The following SUGP2 variants were observed in gnomAD, a reference collection of about 807,000 sequenced individuals.
SUGP2 encodes the protein SURP and G-patch domain containing 2.
SUGP2 carries 24 observed loss-of-function variants against 90.5 expected under a neutral mutation model. The observed-to-expected ratio is 0.27, with a 90% CI of 0.19 to 0.37. The LOEUF (loss-of-function observed/expected upper bound fraction) is 0.37. Ranked by LOEUF, SUGP2 falls within the 10% of genes least tolerant of loss-of-function variation. SUGP2 has a pLI of 1.00. For missense variants in SUGP2, 1,233 were observed against 1,363.3 expected (o/e 0.90, Z 1.51); for synonymous variants, 473 against 513.4 (o/e 0.92, Z 1.06).
chr19:18,994,558 C>A, intron 9 of SUGP2, 72 bp from the exon 10 acceptor site: 1 of 1,574,988 alleles, frequency 6.3e-7, no homozygotes, highest in Admixed American at 1.9e-5. Flanking sequence ...TGGGCATGGG[C>A]ACAAACAGTC....
chr19:19,024,536 T>G (rs2058849005), intron 3 of SUGP2, 83 bp downstream of exon 3: 2 of 1,476,558 alleles, frequency 1.4e-6, no homozygotes, highest in South Asian at 1.3e-5. Flanking sequence ...CTAAAGAACT[T>G]CTGTGTAAAA....
chr19:18,999,556 C>T (rs1320165986), intron 8 of SUGP2, among the ~76,000 whole-genome samples: 2 of 152,164 alleles, frequency 1.3e-5, no homozygotes, highest in Non-Finnish European at 2.9e-5. Context: ...CAAGGGGCAC[C>T]AGATGCCAGC....
intron 3 of SUGP2, among the ~76,000 whole-genome samples, chr19:19,021,288 C>T (rs2058718454): frequency 6.6e-6 from 1 of 152,006 alleles, no homozygotes; most frequent in African/African-American, 2.4e-5. Context: ...CTGTGCCCGT[C>T]TGTGTCCATG....
At position 18,992,622 on chromosome 19, in the gene SUGP2, G is replaced by C. The variant is rs903042535; in HGVS notation, c.*1119C>G. 1 of 152,252 alleles carries C rather than the reference G, an allele frequency of 6.6e-6. No individual in the cohort carries two copies. 9.4% of individuals were successfully genotyped at this position (152,252 alleles called of 1,614,324 possible). The stretch of plus-strand genomic sequence containing the variant: ...CCGCCTCAACCTCCTAAAGTGCTGG[G>C]ATTACAGGCTTGAGCCACTGTGCCT... On this transcript the variant is annotated 3_prime_UTR_variant, in exon 11 of 11. Transcript: ENST00000452918.
chr19:19,013,537 T>A (rs1395547009), intron 4 of SUGP2, among the ~76,000 whole-genome samples: 2 of 152,222 alleles, frequency 1.3e-5, no homozygotes, highest in Admixed American at 1.3e-4. Context: ...TTTAGCTCTA[T>A]CCTCATGTCA....
chr19:19,001,584 G>C lies in SUGP2; in HGVS notation c.2991+29C>G, dbSNP rs772548174. The C allele has an allele frequency of 1.9e-6, 3 of 1,610,498 alleles. No individual in the cohort carries two copies. The South Asian group carries it at 3.3e-5, about 18-fold the overall frequency. ...AACAAATTCTAACCAACTATACTTT[G>C]AGTGAGGACTACCAATGATTACGCT... On this transcript the variant is annotated intron_variant, in intron 8 of 10. Transcript: ENST00000452918.
In SUGP2 at chr19:19,010,336, C is replaced by A; in HGVS notation, c.1857G>T (p.Leu619Phe). The change falls in exon 5 of 11, where the codon TTG becomes TTT. Residue 619 changes from leucine to phenylalanine, a missense_variant. Physicochemically the swap from Leu to Phe is conservative, Grantham distance 22. Around this residue, in one of 8 missense-constraint regions of SUGP2, gnomAD observed 540 missense variants for 542.6 expected, o/e 1.00. Transcript: ENST00000452918. The part of the protein sequence containing the change: ...LLKEDPAYWF[L>F]SDENSLEYKY... ...TATACTCCAGACTATTTTCATCAGA[C>A]AAAAACCTAGATAACAAAACAAGCA... The A allele has an allele frequency of 6.2e-7, 1 of 1,607,562 alleles. No homozygotes were observed. Among genetic ancestry groups the A allele is most frequent in the African/African-American group, 1.3e-5 (1 of 74,838 alleles).
intron 2 of SUGP2, among the ~76,000 whole-genome samples, chr19:19,027,696 G>A (rs1195875832): frequency 2.0e-5 from 3 of 151,740 alleles, no homozygotes; most frequent in Admixed American, 2.0e-4. Flanking sequence ...GGAGTGCAAG[G>A]GTGCGATCTT....
chr19:19,009,952 C>A lies in SUGP2; in HGVS notation c.2241G>T (p.Gln747His). 1 of 1,614,168 alleles carries A rather than the reference C, an allele frequency of 6.2e-7. No homozygotes were observed. Among genetic ancestry groups the A allele is most frequent in the Non-Finnish European group, 8.5e-7 (1 of 1,180,028 alleles). Residue 747 changes from glutamine (Q) to histidine (H), a missense_variant, in exon 5 of 11, where the codon CAG (glutamine) becomes CAT (histidine). Gln to His is a conservative substitution (Grantham distance 24, BLOSUM62 0). Around this residue, in one of 8 missense-constraint regions of SUGP2, gnomAD observed 540 missense variants for 542.6 expected, o/e 1.00. Transcript: ENST00000452918. The stretch of plus-strand genomic sequence containing the variant: ...GGCCTGAGGCTTCTAAGCTGGGGTC[C>A]TGAGGAGAAGGTCCAACTGGGTCTG... ...CPPDPVGPSP[Q>H]DPSLEASGPS...
At chr19:18,997,817 A>C (rs1012559115) in intron 8 of SUGP2, among the ~76,000 whole-genome samples, 15 of 151,580 alleles carry the variant, frequency 9.9e-5, no homozygotes, top group East Asian at 5.8e-4. Context: ...AGAAAGAAAG[A>C]AAGCGATACC....
chr19:19,023,405 G>A (rs1599549556), intron 3 of SUGP2, among the ~76,000 whole-genome samples: 1 of 152,132 alleles, frequency 6.6e-6, no homozygotes, highest in African/African-American at 2.4e-5. Context: ...ATAGGTCACT[G>A]CAGCCTTGAA....
At position 19,024,258 on chromosome 19, in the gene SUGP2, G is replaced by A. The variant is rs146491923; in HGVS notation, c.1729+361C>T. Among the ~76,000 whole-genome samples the A allele has an allele frequency of 2.9e-3, 436 of 152,244 alleles. 3 individuals are homozygous for A. The highest frequency in any genetic ancestry group is 2.7e-3 in the Non-Finnish European group (187 of 68,008). On this transcript the variant is annotated intron_variant, in intron 3 of 10. Coordinates refer to ENST00000452918, the MANE Select transcript of SUGP2 (RefSeq NM_001017392.5). ...CCCGAGTAGCTGGGATTTCAGGTGC[G>A]TGCCACCACACCCGGCTAGTTTTTG...
At chr19:18,994,252 T>C in intron 10 of SUGP2, 114 bp downstream of exon 10, 1 of 1,400,678 alleles carries the variant, frequency 7.1e-7, no homozygotes, top group South Asian at 1.3e-5. Context: ...TGATTTTTTT[T>C]GTGTGTGGCA....
rs1423164653 is a variant in SUGP2 at position 18,991,049 on chromosome 19, G to A, written c.*2692C>T. Reference sequence around the variant, plus strand: ...GACCAAAAACACTACAATTCTCTAAGTGATTTCCAGTGATGGAAACAAGCC... The same window carrying A: ...GACCAAAAACACTACAATTCTCTAAATGATTTCCAGTGATGGAAACAAGCC... On this transcript the variant is annotated 3_prime_UTR_variant, in exon 11 of 11. Transcript: ENST00000452918. 1.3e-5 allele frequency: 2 copies of A among 152,034 alleles called. No individual in the cohort carries two copies. The highest frequency in any genetic ancestry group is 2.9e-5 in the Non-Finnish European group (2 of 68,030). 9.4% of individuals were successfully genotyped at this position (152,034 alleles called of 1,614,324 possible).
At chr19:19,033,363 C>A (rs1599614688) in intron 1 of SUGP2, 74 bp downstream of exon 1, 1 of 1,170,074 alleles carries the variant, frequency 8.5e-7, no homozygotes. Flanking sequence ...GAGCCCGGGG[C>A]GGGCCCCCAA....
intron 2 of SUGP2, among the ~76,000 whole-genome samples, chr19:19,028,235 G>A (rs774831968): frequency 1.3e-4 from 20 of 152,190 alleles, no homozygotes; most frequent in Non-Finnish European, 2.4e-4. Flanking sequence ...TGACGCTAAC[G>A]TGCTACAAAG....
At chr19:19,005,314 G>A (rs983070964) in intron 6 of SUGP2, among the ~76,000 whole-genome samples, 24 of 152,214 alleles carry the variant, frequency 1.6e-4, no homozygotes, top group South Asian at 1.0e-3. Context: ...AATGGCCCTC[G>A]TAAGGCAACT....
intron 2 of SUGP2, among the ~76,000 whole-genome samples, chr19:19,029,946 T>TAA (rs879773514): frequency 2.3e-5 from 3 of 133,066 alleles, no homozygotes; most frequent in Non-Finnish European, 5.0e-5. Flanking sequence ...CTGTCTCAAA[T>TAA]AAAAAAAAAA....
At position 19,025,854 on chromosome 19, in the gene SUGP2, C is replaced by T. The variant is rs1481052451; in HGVS notation, c.494G>A (p.Gly165Asp). The change falls in exon 3 of 11, where the codon GGT (glycine) becomes GAT (aspartate). Residue 165 changes from glycine to aspartate, a missense_variant. Physicochemically the swap from Gly to Asp is moderately conservative, Grantham distance 94. Around this residue, in one of 8 missense-constraint regions of SUGP2, gnomAD observed 418 missense variants for 399.9 expected, o/e 1.05. Transcript: ENST00000452918. ...AAAGTCCCCCAAAACTGCAGAGGGACCAAAACTATACTCCTGTGACCAAGA... is the reference window on the plus strand; with the variant it reads ...AAAGTCCCCCAAAACTGCAGAGGGATCAAAACTATACTCCTGTGACCAAGA... ...ESSWSQEYSFGPSAVLGDFGS... is the reference protein window; with the variant it reads ...ESSWSQEYSFDPSAVLGDFGS... 1.9e-6 allele frequency: 3 copies of T among 1,613,986 alleles called. No individual in the cohort carries two copies. The African/African-American group carries it at 4.0e-5, about 22-fold the overall frequency.
Sources: allele counts gnomAD v4.1 joint callset (sites outside exome capture counted in the v4.1 genomes callset), GRCh38; gene constraint gnomAD v4.1.1; regional missense constraint gnomAD v4.1.1; transcripts MANE v1.5; gene names NCBI Gene and HGNC (gene_info 2026-07-23, HGNC 2026-07-21).